Variants in ST6GALNAC5 observed in about 807,000 individuals in gnomAD.
The protein encoded by ST6GALNAC5 is ST6 N-acetylgalactosaminide alpha-2,6-sialyltransferase 5.
In ST6GALNAC5, 27 loss-of-function variants were observed where a neutral mutation model predicts 33.6. The observed-to-expected ratio is 0.80, with a 90% CI of 0.59 to 1.11. ST6GALNAC5 has a LOEUF of 1.11. Among genes scored for constraint, ST6GALNAC5 ranks in the 50% least tolerant of loss-of-function variants. The pLI, the probability that ST6GALNAC5 is intolerant of heterozygous loss-of-function variation, is 0.00. For synonymous variants in ST6GALNAC5, 194 were observed against 171.2 expected (o/e 1.13, Z -1.04); for missense variants, 428 against 454.0 (o/e 0.94, Z 0.52).
intron 2 of ST6GALNAC5, among the ~76,000 whole-genome samples, chr1:76,956,002 A>G (rs1434405689): frequency 6.6e-6 from 1 of 152,176 alleles, no homozygotes; most frequent in South Asian, 2.1e-4. Context: ...TAAGAGGTAC[A>G]TGGTTAGTTA....
chr1:76,996,079 A>AT (rs1189452479), intron 2 of ST6GALNAC5, among the ~76,000 whole-genome samples: 1 of 152,236 alleles, frequency 6.6e-6, no homozygotes, highest in Non-Finnish European at 1.5e-5. Context: ...GGTGACAAGC[A>AT]TGATTGTCCC....
At position 76,940,770 on chromosome 1, in the gene ST6GALNAC5, G is replaced by A. The variant is rs150042762; in HGVS notation, c.261+72028G>A. On this transcript the variant is annotated intron_variant, in intron 2 of 4. Transcript: ENST00000477717. Reference sequence around the variant, plus strand: ...CACACCCCGCTGACAGTCTGCAAACGCCTTTCTCTTTCATGGCAAGCTGAA... The same window carrying A: ...CACACCCCGCTGACAGTCTGCAAACACCTTTCTCTTTCATGGCAAGCTGAA... Among the ~76,000 whole-genome samples, 78 of 152,090 alleles carry A rather than the reference G, an allele frequency of 5.1e-4. 1 individual carries two copies. Among genetic ancestry groups the A allele is most frequent in the African/African-American group, 1.7e-3 (69 of 41,518 alleles).
chr1:76,947,756 A>G (rs1272084097), intron 2 of ST6GALNAC5, among the ~76,000 whole-genome samples: 2 of 152,092 alleles, frequency 1.3e-5, no homozygotes, highest in South Asian at 4.1e-4. Context: ...ATAAAAGGAA[A>G]AATAATAATA....
At chr1:77,044,040 A>G (rs1651919941) in intron 2 of ST6GALNAC5, among the ~76,000 whole-genome samples, 164 bp from the exon 3 acceptor site, 2 of 152,096 alleles carry the variant, frequency 1.3e-5, no homozygotes, top group Admixed American at 6.6e-5. Flanking sequence ...TTAGAAGAGA[A>G]CGCAAGGGTC....
chr1:76,885,652 G>A (rs951938004), intron 2 of ST6GALNAC5, among the ~76,000 whole-genome samples: 6 of 152,184 alleles, frequency 3.9e-5, no homozygotes, highest in African/African-American at 1.4e-4. Flanking sequence ...GGAATAATTA[G>A]GAAATAGTCT....
At chr1:76,965,438 G>A (rs1648427599) in intron 2 of ST6GALNAC5, among the ~76,000 whole-genome samples, 1 of 152,206 alleles carries the variant, frequency 6.6e-6, no homozygotes, top group African/African-American at 2.4e-5. Flanking sequence ...CATATCCTTT[G>A]CCCTCTTTTT....
chr1:76,870,475 G>A (rs1030604526), intron 2 of ST6GALNAC5, among the ~76,000 whole-genome samples: 24 of 152,156 alleles, frequency 1.6e-4, no homozygotes, highest in African/African-American at 4.8e-4. Flanking sequence ...TCTTCTGCTG[G>A]ACAGACACCA....
chr1:76,935,015 A>C (rs2100316040), intron 2 of ST6GALNAC5, among the ~76,000 whole-genome samples: 1 of 152,186 alleles, frequency 6.6e-6, no homozygotes, highest in South Asian at 2.1e-4. Context: ...GTTTAATAGA[A>C]GTTATTTCAG....
intron 2 of ST6GALNAC5, among the ~76,000 whole-genome samples, chr1:76,915,741 C>T (rs552863745): frequency 1.4e-3 from 207 of 151,522 alleles, no homozygotes; most frequent in Middle Eastern, 3.4e-3. Flanking sequence ...ATACCTAATG[C>T]TAAATGACGA....
rs189919476 is a variant in ST6GALNAC5 at position 76,868,254 on chromosome 1, A to T, written c.16-243A>T. 1.6e-4 allele frequency among the ~76,000 whole-genome samples: 24 copies of T among 151,392 alleles called. No homozygotes were observed. The highest frequency in any genetic ancestry group is 2.8e-4 in the Non-Finnish European group (19 of 67,780). ...CTCCCTCAGCCCGGGGCCGTACACC[A>T]CCTGCCCTCTACCGAGAGATCTGGG... On this transcript the variant is annotated intron_variant, in intron 1 of 4. Transcript: ENST00000477717. The surrounding 1 kb of genome is among the most constrained non-coding windows in gnomAD (Gnocchi z 4.3).
intron 2 of ST6GALNAC5, among the ~76,000 whole-genome samples, chr1:76,988,380 G>T (rs1325250718): frequency 6.6e-6 from 1 of 151,776 alleles, no homozygotes; most frequent in African/African-American, 2.4e-5. Flanking sequence ...TTTTCTCTGT[G>T]AAGTTATATT....
At chr1:77,019,196 T>C (rs1650962104) in intron 2 of ST6GALNAC5, among the ~76,000 whole-genome samples, 1 of 152,344 alleles carries the variant, frequency 6.6e-6, no homozygotes, top group South Asian at 2.1e-4. Flanking sequence ...GATTAAATAC[T>C]TACCACTGCT....
chr1:77,023,455 T>C lies in ST6GALNAC5; in HGVS notation c.262-20749T>C, dbSNP rs542564316. ...AGAGACTGGAACCCGGTAAGCACCA[T>C]TGAAGCTCTTCCAGCATGGGTTCCC... On this transcript the variant is annotated intron_variant, in intron 2 of 4. Transcript: ENST00000477717. 1.9e-4 allele frequency among the ~76,000 whole-genome samples: 29 copies of C among 152,264 alleles called. No homozygotes were observed. The South Asian group carries it at 2.7e-3, about 14-fold the overall frequency.
intron 3 of ST6GALNAC5, among the ~76,000 whole-genome samples, chr1:77,047,529 C>T (rs1359693442): frequency 6.6e-6 from 1 of 151,998 alleles, no homozygotes; most frequent in African/African-American, 2.4e-5. Context: ...GAAGTTTCAC[C>T]CTCCTTAAAA....
At chr1:77,057,739 C>A (rs1376406418) in intron 4 of ST6GALNAC5, among the ~76,000 whole-genome samples, 11 of 152,144 alleles carry the variant, frequency 7.2e-5, no homozygotes. Context: ...TGAAAGTGAT[C>A]TCCCTGCTTC....
chr1:76,885,213 C>T (rs561751812), intron 2 of ST6GALNAC5, among the ~76,000 whole-genome samples: 10 of 152,202 alleles, frequency 6.6e-5, no homozygotes, highest in South Asian at 4.1e-4. Context: ...AGAGTTTCCT[C>T]GCCTCATCCC....
chr1:76,981,118 G>C (rs1649232831), intron 2 of ST6GALNAC5, among the ~76,000 whole-genome samples: 1 of 152,344 alleles, frequency 6.6e-6, no homozygotes, highest in African/African-American at 2.4e-5. Flanking sequence ...TGAGGTACCT[G>C]GTTCATCTCA....
At chr1:76,912,470 TG>T (rs2100282727) in intron 2 of ST6GALNAC5, among the ~76,000 whole-genome samples, 1 of 152,170 alleles carries the variant, frequency 6.6e-6, no homozygotes, top group East Asian at 1.9e-4. Flanking sequence ...GTTCAATTCC[TG>T]GGTATCCTTG....
At chr1:76,943,721 C>G (rs1183445270) in intron 2 of ST6GALNAC5, among the ~76,000 whole-genome samples, 1 of 152,078 alleles carries the variant, frequency 6.6e-6, no homozygotes, top group East Asian at 1.9e-4. Flanking sequence ...TATCAGCCAT[C>G]AGAGGTACAA....
Sources: allele counts gnomAD v4.1 joint callset (sites outside exome capture counted in the v4.1 genomes callset), GRCh38; gene constraint gnomAD v4.1.1; non-coding constraint Gnocchi (gnomAD v3.1); transcripts MANE v1.5; gene names NCBI Gene and HGNC (gene_info 2026-07-23, HGNC 2026-07-21).